The following SMG6 variants were observed in gnomAD, a reference collection of about 807,000 sequenced individuals.
The protein encoded by SMG6 is SMG6 nonsense mediated mRNA decay factor.
SMG6 carries 66 observed loss-of-function variants against 142.2 expected under a neutral mutation model. That is an observed-to-expected ratio of 0.46 (90% CI 0.38 to 0.57). SMG6 has a LOEUF of 0.57. Ranked by LOEUF, SMG6 falls within the 20% of genes least tolerant of loss-of-function variation. The pLI, the probability that SMG6 is intolerant of heterozygous loss-of-function variation, is 0.00. For missense variants in SMG6, 1,793 were observed against 1,832.0 expected (o/e 0.98, Z 0.39); for synonymous variants, 779 against 702.4 (o/e 1.11, Z -1.72).
chr17:2,092,649 T>C (rs1338584862), intron 13 of SMG6, among the ~76,000 whole-genome samples: 1 of 152,142 alleles, frequency 6.6e-6, no homozygotes, highest in South Asian at 2.1e-4. Context: ...ATGTTCACAC[T>C]GAAGGGAGAA....
At chr17:2,138,651 A>T (rs1177473418) in intron 13 of SMG6, among the ~76,000 whole-genome samples, 1 of 152,030 alleles carries the variant, frequency 6.6e-6, no homozygotes, top group Admixed American at 6.6e-5. Context: ...ACCCAAGGAA[A>T]CTCTAAGAAT....
chr17:2,160,471 G>C (rs1226529173), intron 13 of SMG6, among the ~76,000 whole-genome samples: 1 of 152,014 alleles, frequency 6.6e-6, no homozygotes, highest in Admixed American at 6.6e-5. Context: ...CGCCTGCCTC[G>C]GCCTCCCAAA....
intron 13 of SMG6, among the ~76,000 whole-genome samples, chr17:2,140,568 A>G (rs1428841833): frequency 6.6e-6 from 1 of 151,002 alleles, no homozygotes; most frequent in Non-Finnish European, 1.5e-5. Context: ...GCTACTTGGG[A>G]GGCTGAGGCA....
intron 13 of SMG6, among the ~76,000 whole-genome samples, chr17:2,164,730 C>T (rs1346874083): frequency 4.0e-5 from 6 of 151,598 alleles, no homozygotes; most frequent in African/African-American, 7.3e-5. Context: ...TGAGGTCAGG[C>T]GTTTGAGACC....
intron 13 of SMG6, among the ~76,000 whole-genome samples, chr17:2,170,186 A>AGCCG (rs1211576472): frequency 1.3e-5 from 2 of 151,838 alleles, no homozygotes; most frequent in Non-Finnish European, 2.9e-5. Flanking sequence ...TGAAGTGGAG[A>AGCCG]CCTACCTTAG....
chr17:2,239,740 T>C (rs1484757754), intron 9 of SMG6, among the ~76,000 whole-genome samples: 3 of 152,232 alleles, frequency 2.0e-5, no homozygotes, highest in Non-Finnish European at 4.4e-5. Flanking sequence ...ATTTCTCCCA[T>C]AATGAATACA....
At chr17:2,289,142 T>C (rs1315558357) in intron 6 of SMG6, among the ~76,000 whole-genome samples, 1 of 149,826 alleles carries the variant, frequency 6.7e-6, no homozygotes, top group Non-Finnish European at 1.5e-5. Flanking sequence ...TGCATCTATT[T>C]GGGGGGCTGA....
intron 13 of SMG6, among the ~76,000 whole-genome samples, chr17:2,123,239 C>T (rs1047674497): frequency 1.3e-5 from 2 of 152,182 alleles, no homozygotes; most frequent in East Asian, 1.9e-4. Context: ...GTCGCCACCT[C>T]GGTCAGTGGC....
intron 13 of SMG6, among the ~76,000 whole-genome samples, chr17:2,117,328 A>G (rs558909654): frequency 6.6e-6 from 1 of 152,286 alleles, no homozygotes; most frequent in African/African-American, 2.4e-5. Context: ...GGCAAGAAAA[A>G]AAACGCTGAA....
chr17:2,065,184 C>T (rs1167176961), intron 17 of SMG6, 30 bp from the exon 18 acceptor site: 2 of 1,580,690 alleles, frequency 1.3e-6, no homozygotes, highest in African/African-American at 2.7e-5. Context: ...AGAAGCACCA[C>T]TGGGCAGAAG....
rs770405858 is a variant in SMG6 at position 2,085,718 on chromosome 17, A to G, written c.3534+7T>C. The G allele has an allele frequency of 1.4e-5, 23 of 1,611,464 alleles. No homozygotes were observed. The East Asian group carries it at 3.1e-4, about 22-fold the overall frequency. ...CTCTGCCACAGCGGGCTCTTCCCGC[A>G]TAGTACCTCATCTTCCAGTCGTGTT... On this transcript the variant is annotated splice_region_variant and intron_variant, in intron 14 of 18. Transcript: ENST00000263073. The surrounding 1 kb of genome is among the most constrained non-coding windows in gnomAD (Gnocchi z 4.1).
intron 13 of SMG6, among the ~76,000 whole-genome samples, chr17:2,146,542 G>A (rs1041012028): frequency 1.3e-5 from 2 of 152,162 alleles, no homozygotes; most frequent in African/African-American, 4.8e-5. Context: ...GGCTCAAGAT[G>A]ATAATGTCTT....
chr17:2,147,142 C>T (rs965413024), intron 13 of SMG6, among the ~76,000 whole-genome samples: 3 of 152,112 alleles, frequency 2.0e-5, no homozygotes, highest in African/African-American at 7.2e-5. Flanking sequence ...CCTGTAATCC[C>T]AGAACTTTGG....
intron 13 of SMG6, among the ~76,000 whole-genome samples, chr17:2,167,984 C>T (rs991905585): frequency 6.6e-6 from 1 of 152,124 alleles, no homozygotes; most frequent in Non-Finnish European, 1.5e-5. Flanking sequence ...TCTCCTGCCT[C>T]AGGCTCCTGA....
intron 14 of SMG6, 198 bp from the exon 15 acceptor site, chr17:2,082,154 GCTCT>G (rs2068443008): frequency 6.8e-6 from 4 of 590,922 alleles, no homozygotes; most frequent in African/African-American, 3.7e-5. Flanking sequence ...CCCCGGAGCT[GCTCT>G]CTTTTATACT....
At chr17:2,297,546 A>G (rs2075169921) in intron 3 of SMG6, among the ~76,000 whole-genome samples, 193 bp from the exon 4 acceptor site, 1 of 151,636 alleles carries the variant, frequency 6.6e-6, no homozygotes, top group Non-Finnish European at 1.5e-5. Flanking sequence ...CCATGGTTTT[A>G]AAGATATGAA....
rs908833318 is a variant in SMG6 at position 2,061,339 on chromosome 17, C to A, written c.*153G>T. The A allele has an allele frequency of 4.0e-6, 3 of 745,410 alleles. No homozygotes were observed. The highest frequency in any genetic ancestry group is 1.8e-5 in the South Asian group (1 of 55,016). The allele number at this position is 745,410 out of a possible 1,614,324, so 46.2% of individuals were successfully genotyped here. Reference sequence around the variant, plus strand: ...GAGGGGCTCTGTGAGGAGCAGGTCCCCCACAGCATGGCCGTGGCGTGGGTT... The same window carrying A: ...GAGGGGCTCTGTGAGGAGCAGGTCCACCACAGCATGGCCGTGGCGTGGGTT... On this transcript the variant is annotated 3_prime_UTR_variant, in exon 19 of 19. Coordinates refer to ENST00000263073, the MANE Select transcript of SMG6 (RefSeq NM_017575.5).
intron 10 of SMG6, chr17:2,214,283 C>G (rs560419145): frequency 6.6e-6 from 1 of 152,526 alleles, no homozygotes; most frequent in Admixed American, 6.5e-5. Context: ...CAGATCCTGC[C>G]TGGACTCTCC....
chr17:2,196,614 C>T (rs539120026), intron 10 of SMG6, among the ~76,000 whole-genome samples: 16 of 152,234 alleles, frequency 1.1e-4, no homozygotes, highest in Middle Eastern at 3.4e-3. Context: ...ATCTCAGGAA[C>T]GTTTCACGTA....
Sources: gnomAD v4.1 joint callset for allele counts (sites outside exome capture counted in the v4.1 genomes callset) on GRCh38, gnomAD v4.1.1 for gene constraint, Gnocchi (gnomAD v3.1) non-coding constraint, MANE v1.5 for transcripts, NCBI Gene and HGNC (gene_info 2026-07-23, HGNC 2026-07-21) for gene names.